MYOD1: variants seen among roughly 807,000 people sequenced by gnomAD.
The protein encoded by MYOD1 is myoblast determination protein 1.
In MYOD1, 15 loss-of-function variants were observed where a neutral mutation model predicts 14.9. The ratio of observed to expected loss-of-function variants is 1.01; its 90% CI spans 0.67 to 1.55. The LOEUF is 1.55. Among genes scored for constraint, MYOD1 ranks in the 40% most tolerant of loss-of-function variants. The probability of loss-of-function intolerance (pLI) is 0.00; values close to 1 mark genes in which losing one functional copy is unlikely to be tolerated. For missense variants in MYOD1, 529 were observed against 482.6 expected (o/e 1.10, Z -0.90); for synonymous variants, 235 against 218.6 (o/e 1.07, Z -0.66).
Position 17,720,277 on chromosome 11 carries a change from C to T in MYOD1, c.495C>T (p.Arg165=). The T allele has an allele frequency of 6.3e-7, 1 of 1,596,490 alleles. No homozygotes were observed. ...TCGAGGGCCTGCAGGCTCTGCTGCG[C>T]GACCAGGACGCCGCGCCCCCTGGCG... ...RYIEGLQALL[R]DQDAAPPGAA... The change falls in exon 1 of 3, where the codon CGC becomes CGT. Residue 165 remains arginine (R), a synonymous_variant. Coordinates refer to ENST00000250003, the MANE Select transcript of MYOD1 (RefSeq NM_002478.5).
rs1202246476 is a variant in MYOD1, at chr11:17,721,605, TAAA to T, written c.*99_*101del. 1 of 1,368,396 alleles carries T rather than the reference TAAA, an allele frequency of 7.3e-7. No homozygotes were observed. Among genetic ancestry groups the T allele is most frequent in the Non-Finnish European group, 9.6e-7 (1 of 1,039,674 alleles). 84.8% of individuals were successfully genotyped at this position (1,368,396 alleles called of 1,614,324 possible). The stretch of plus-strand genomic sequence containing the variant: ...AAATGCCCCCCTCCCAACAGCGCTT[TAAA>T]AGCGACCTCTCTTGAGGTAGGAGAG... On this transcript the variant is annotated 3_prime_UTR_variant, in exon 3 of 3. Transcript: ENST00000250003. This position sits in a 1 kb window ranked among gnomAD's most constrained non-coding sequence, Gnocchi z 6.2.
chr11:17,721,533 C>G lies in MYOD1; in HGVS notation c.*25C>G. 1.3e-6 allele frequency: 2 copies of G among 1,496,398 alleles called. No individual in the cohort carries two copies. Among genetic ancestry groups the G allele is most frequent in the South Asian group, 1.3e-5 (1 of 75,146 alleles). The allele number at this position is 1,496,398 out of a possible 1,614,324, so 92.7% of individuals were successfully genotyped here. A position where few individuals can be genotyped will look rare whatever the true frequency, so the allele number is the denominator to read the frequency against. ...AGGGGATGGTGGCCGCCCACCCGCC[C>G]GAGGGATGGTGCCCCTAGGGTCCCT... On this transcript the variant is annotated 3_prime_UTR_variant, in exon 3 of 3. Coordinates refer to ENST00000250003, the MANE Select transcript of MYOD1 (RefSeq NM_002478.5). The surrounding 1 kb of genome is among the most constrained non-coding windows in gnomAD (Gnocchi z 6.2).
rs532317146 is a variant in MYOD1 at position 17,721,451 on chromosome 11, C to T, written c.906C>T (p.Asp302=). The change falls in exon 3 of 3, where the codon GAC becomes GAT. Residue 302 remains aspartate, a synonymous_variant. Coordinates refer to ENST00000250003, the MANE Select transcript of MYOD1 (RefSeq NM_002478.5). This position sits in a 1 kb window ranked among gnomAD's most constrained non-coding sequence, Gnocchi z 6.2. ...GCGGCGACCCCACCCAGTCACCGGA[C>T]GCCGCCCCGCAGTGCCCTGCGGGTG... ...ESSGDPTQSP[D]AAPQCPAGAN... The T allele has an allele frequency of 1.9e-6, 3 of 1,596,098 alleles. No homozygotes were observed. The highest frequency in any genetic ancestry group is 1.3e-5 in the African/African-American group (1 of 74,768).
Position 17,720,014 on chromosome 11 carries a change from G to A in MYOD1, c.232G>A (p.Asp78Asn), listed in dbSNP as rs201370321. Residue 78 changes from aspartate (D) to asparagine (N), a missense_variant, in exon 1 of 3, where the codon GAC becomes AAC. By Grantham distance (23) the Asp-to-Asn change is conservative. Transcript: ENST00000250003. ...AVHPAPGARE[D>N]EHVRAPSGHH... ...GCACCCGGCCCCGGGCGCACGTGAGGACGAGCATGTGCGCGCGCCCAGCGG... is the reference window on the plus strand; with the variant it reads ...GCACCCGGCCCCGGGCGCACGTGAGAACGAGCATGTGCGCGCGCCCAGCGG... The A allele has an allele frequency of 8.8e-6, 14 of 1,597,950 alleles. No individual in the cohort carries two copies. In the East Asian group the frequency reaches 3.2e-4, roughly 36 times the overall value.
In MYOD1 at chr11:17,721,802, T is replaced by C. The variant is rs945490065; in HGVS notation, c.*294T>C. The C allele has an allele frequency of 2.5e-6, 1 of 400,228 alleles. No individual in the cohort carries two copies. Among genetic ancestry groups the C allele is most frequent in the Non-Finnish European group, 4.4e-6 (1 of 227,560 alleles). 24.8% of individuals were successfully genotyped at this position (400,228 alleles called of 1,614,324 possible). Reference sequence around the variant, plus strand: ...TTCAGCTTTCTCGCGCCCTCCCCCATGGGGGTGAGACCCTCGCAGACCTAA... The same window carrying C: ...TTCAGCTTTCTCGCGCCCTCCCCCACGGGGGTGAGACCCTCGCAGACCTAA... On this transcript the variant is annotated 3_prime_UTR_variant, in exon 3 of 3. Transcript: ENST00000250003. The surrounding 1 kb of genome is among the most constrained non-coding windows in gnomAD (Gnocchi z 6.2).
rs1458833611 is a variant in MYOD1, at chr11:17,721,901, T to G, written c.*393T>G. 7.3e-6 allele frequency: 2 copies of G among 273,324 alleles called. No homozygotes were observed. The highest frequency in any genetic ancestry group is 1.4e-5 in the Non-Finnish European group (2 of 146,362). The allele number at this position is 273,324 out of a possible 1,614,324, so 16.9% of individuals were successfully genotyped here. ...GCACTCCGGTCCCAAATGTAGCAGG[T>G]GTAACCGTAACCCACCCCCAACCCG... is the stretch of plus-strand genomic sequence containing the variant. On this transcript the variant is annotated 3_prime_UTR_variant, in exon 3 of 3. Transcript: ENST00000250003. The surrounding 1 kb of genome is among the most constrained non-coding windows in gnomAD (Gnocchi z 6.2).
chr11:17,720,330 C>A lies in MYOD1; in HGVS notation c.548C>A (p.Pro183Gln). 1 of 1,556,036 alleles carries A rather than the reference C, an allele frequency of 6.4e-7. No individual in the cohort carries two copies. Among genetic ancestry groups the A allele is most frequent in the East Asian group, 2.5e-5 (1 of 40,736 alleles). ...GAAAAFYAPG[P>Q]LPPGRGGEHY... ...GCAGCCGCCTTCTATGCGCCGGGCC[C>A]GCTGCCCCCGGGCCGCGGCGGCGAG... is the stretch of plus-strand genomic sequence containing the variant. The change falls in exon 1 of 3, where the codon CCG becomes CAG. Residue 183 changes from proline (P) to glutamine (Q), a missense_variant. By Grantham distance (76) the Pro-to-Gln change is moderately conservative. Coordinates refer to ENST00000250003, the MANE Select transcript of MYOD1 (RefSeq NM_002478.5).
In MYOD1 at chr11:17,720,256, G is replaced by A. The variant is rs1315907235; in HGVS notation, c.474G>A (p.Glu158=). Residue 158 remains glutamate, a synonymous_variant, in exon 1 of 3, where the codon GAG becomes GAA. Transcript: ENST00000250003. ...TGCGCAACGCCATCCGCTATATCGA[G>A]GGCCTGCAGGCTCTGCTGCGCGACC... ...EILRNAIRYI[E]GLQALLRDQD... The A allele has an allele frequency of 6.2e-7, 1 of 1,604,242 alleles. No homozygotes were observed. Among genetic ancestry groups the A allele is most frequent in the Non-Finnish European group, 8.5e-7 (1 of 1,177,094 alleles).
rs1485932864 is a variant in MYOD1 at position 17,722,110 on chromosome 11, A to C, written c.*602A>C. 1.6e-5 allele frequency: 3 copies of C among 184,322 alleles called. No homozygotes were observed. The East Asian group carries it at 2.6e-4, about 16-fold the overall frequency. The allele number at this position is 184,322 out of a possible 1,614,324, so 11.4% of individuals were successfully genotyped here. On this transcript the variant is annotated 3_prime_UTR_variant, in exon 3 of 3. Transcript: ENST00000250003. ...GCCGCGGGCGCTCGCTCAGGTGATC[A>C]AAATAAAGGCGCTAATTTATACCGC...
chr11:17,719,757 G>A lies in MYOD1; in HGVS notation c.-26G>A, dbSNP rs1257453637. ...CTGCCGCTTGGGTTGGGCGAAGCCA[G>A]GACCGTGCCGCGCCACCGCCAGGAT... On this transcript the variant is annotated 5_prime_UTR_variant, in exon 1 of 3. Coordinates refer to ENST00000250003, the MANE Select transcript of MYOD1 (RefSeq NM_002478.5). 9 of 1,600,232 alleles carry A rather than the reference G, an allele frequency of 5.6e-6. No individual in the cohort carries two copies. The highest frequency in any genetic ancestry group is 7.7e-6 in the Non-Finnish European group (9 of 1,173,254).
In MYOD1 at chr11:17,719,657, G is replaced by T. The variant is rs1848616297; in HGVS notation, c.-126G>T. The stretch of plus-strand genomic sequence containing the variant: ...GGAGAGGGAGGGGTGGGGGACAGTG[G>T]GTGGGCATTCAGACTGCCAGCACTT... On this transcript the variant is annotated 5_prime_UTR_variant, in exon 1 of 3. Transcript: ENST00000250003. 4 of 1,193,882 alleles carry T rather than the reference G, an allele frequency of 3.4e-6. No homozygotes were observed. The highest frequency in any genetic ancestry group is 4.6e-6 in the Non-Finnish European group (4 of 864,352). 74.0% of individuals were successfully genotyped at this position (1,193,882 alleles called of 1,614,324 possible).
rs1031187297 is a variant in MYOD1, at chr11:17,721,839, G to A, written c.*331G>A. The A allele has an allele frequency of 6.0e-6, 2 of 334,144 alleles. No homozygotes were observed. The highest frequency in any genetic ancestry group is 4.2e-5 in the African/African-American group (2 of 47,688). The allele number at this position is 334,144 out of a possible 1,614,324, so 20.7% of individuals were successfully genotyped here. On this transcript the variant is annotated 3_prime_UTR_variant, in exon 3 of 3. Transcript: ENST00000250003. This position sits in a 1 kb window ranked among gnomAD's most constrained non-coding sequence, Gnocchi z 6.2. ...CCTCGCAGACCTAAGCCCTGCCCCGGGATGCACCGGTTATTTGGGGGGGCG... is the reference window on the plus strand; with the variant it reads ...CCTCGCAGACCTAAGCCCTGCCCCGAGATGCACCGGTTATTTGGGGGGGCG...
At position 17,720,318 on chromosome 11, in the gene MYOD1, A is replaced by G. The variant is rs1206289146; in HGVS notation, c.536A>G (p.Tyr179Cys). 1 of 1,583,070 alleles carries G rather than the reference A, an allele frequency of 6.3e-7. No homozygotes were observed. Among genetic ancestry groups the G allele is most frequent in the South Asian group, 1.1e-5 (1 of 87,806 alleles). Residue 179 changes from tyrosine (Y) to cysteine (C), a missense_variant, in exon 1 of 3, where the codon TAT becomes TGT. Transcript: ENST00000250003. Reference sequence around the variant, plus strand: ...CCCCCTGGCGCCGCAGCCGCCTTCTATGCGCCGGGCCCGCTGCCCCCGGGC... The same window carrying G: ...CCCCCTGGCGCCGCAGCCGCCTTCTGTGCGCCGGGCCCGCTGCCCCCGGGC... ...AAPPGAAAAF[Y>C]APGPLPPGRG...
rs1316377901 is a variant in MYOD1, at chr11:17,721,250, C to G, written c.710-5C>G. ...CTGCTTACTAACCGAGCCCTCCCCG[C>G]GCAGAACCCAGGCCCGGGAAGAGTG... On this transcript the variant is annotated splice_polypyrimidine_tract_variant and splice_region_variant and intron_variant, in intron 2 of 2. Coordinates refer to ENST00000250003, the MANE Select transcript of MYOD1 (RefSeq NM_002478.5). This position sits in a 1 kb window ranked among gnomAD's most constrained non-coding sequence, Gnocchi z 6.2. 6.5e-7 allele frequency: 1 copy of G among 1,539,218 alleles called. No homozygotes were observed. The highest frequency in any genetic ancestry group is 1.2e-5 in the South Asian group (1 of 83,968).
At position 17,719,761 on chromosome 11, in the gene MYOD1, C is replaced by G. The variant is rs775318014; in HGVS notation, c.-22C>G. On this transcript the variant is annotated 5_prime_UTR_variant, in exon 1 of 3. Coordinates refer to ENST00000250003, the MANE Select transcript of MYOD1 (RefSeq NM_002478.5). Reference sequence around the variant, plus strand: ...CGCTTGGGTTGGGCGAAGCCAGGACCGTGCCGCGCCACCGCCAGGATATGG... The same window carrying G: ...CGCTTGGGTTGGGCGAAGCCAGGACGGTGCCGCGCCACCGCCAGGATATGG... 9 of 1,601,688 alleles carry G rather than the reference C, an allele frequency of 5.6e-6. No homozygotes were observed. Among genetic ancestry groups the G allele is most frequent in the Admixed American group, 1.7e-5 (1 of 59,276 alleles).
In MYOD1 at chr11:17,721,547, C is replaced by T. The variant is rs543707277; in HGVS notation, c.*39C>T. The T allele has an allele frequency of 8.1e-6, 12 of 1,482,092 alleles. No homozygotes were observed. In the South Asian group the frequency reaches 8.2e-5, roughly 10 times the overall value. 91.8% of individuals were successfully genotyped at this position (1,482,092 alleles called of 1,614,324 possible). ...GCCCACCCGCCCGAGGGATGGTGCCCCTAGGGTCCCTCGCGCCCAAAAGAT... is the reference window on the plus strand; with the variant it reads ...GCCCACCCGCCCGAGGGATGGTGCCTCTAGGGTCCCTCGCGCCCAAAAGAT... On this transcript the variant is annotated 3_prime_UTR_variant, in exon 3 of 3. Transcript: ENST00000250003. This position sits in a 1 kb window ranked among gnomAD's most constrained non-coding sequence, Gnocchi z 6.2.
Position 17,719,724 on chromosome 11 carries a change from G to A in MYOD1, c.-59G>A. ...GGCTCCCGAGCGGCAGAAAGTTCCGGCCACTCTCTGCCGCTTGGGTTGGGC... is the reference window on the plus strand; with the variant it reads ...GGCTCCCGAGCGGCAGAAAGTTCCGACCACTCTCTGCCGCTTGGGTTGGGC... On this transcript the variant is annotated 5_prime_UTR_variant, in exon 1 of 3. Transcript: ENST00000250003. 2 of 1,542,350 alleles carry A rather than the reference G, an allele frequency of 1.3e-6. No individual in the cohort carries two copies. The highest frequency in any genetic ancestry group is 2.5e-5 in the South Asian group (2 of 79,010).
chr11:17,720,359 T>C lies in MYOD1; in HGVS notation c.577T>C (p.Tyr193His). The change falls in exon 1 of 3, where the codon TAC becomes CAC. Residue 193 changes from tyrosine (Y) to histidine (H), a missense_variant. Coordinates refer to ENST00000250003, the MANE Select transcript of MYOD1 (RefSeq NM_002478.5). ...PLPPGRGGEH[Y>H]SGDSDASSPR... ...GCCCCCGGGCCGCGGCGGCGAGCACTACAGCGGCGACTCCGACGCGTCCAG... is the reference window on the plus strand; with the variant it reads ...GCCCCCGGGCCGCGGCGGCGAGCACCACAGCGGCGACTCCGACGCGTCCAG... 1 of 1,558,104 alleles carries C rather than the reference T, an allele frequency of 6.4e-7. No homozygotes were observed. Among genetic ancestry groups the C allele is most frequent in the Non-Finnish European group, 8.6e-7 (1 of 1,159,742 alleles).
rs776902326 is a variant in MYOD1, at chr11:17,720,973, G to A, written c.702G>A (p.Ala234=). The A allele has an allele frequency of 6.3e-7, 1 of 1,596,490 alleles. No homozygotes were observed. The highest frequency in any genetic ancestry group is 1.3e-5 in the African/African-American group (1 of 74,770). ...NCYEGAYYNE[A]PSEPRPGKSA... is the part of the protein sequence containing the mutation. ...ACGAAGGCGCCTACTACAACGAGGC[G>A]CCCAGCGGTGGGTATTCCGGGCCTC... The change falls in exon 2 of 3, where the codon GCG becomes GCA. Residue 234 remains alanine (A), a synonymous_variant. Transcript: ENST00000250003.
Sources: allele counts gnomAD v4.1 joint callset, GRCh38; gene constraint gnomAD v4.1.1; non-coding constraint Gnocchi (gnomAD v3.1); transcripts MANE v1.5; gene names NCBI Gene and HGNC (gene_info 2026-07-23, HGNC 2026-07-21).